Variants in CDK14 observed in about 807,000 individuals in gnomAD.
CDK14 encodes cyclin-dependent kinase 14.
A neutral mutation model predicts 60.7 loss-of-function variants in CDK14; 34 were observed. That is an observed-to-expected ratio of 0.56 (90% CI 0.43 to 0.75). The LOEUF is 0.75. Among genes scored for constraint, CDK14 ranks in the 30% least tolerant of loss-of-function variants. The pLI, the probability that CDK14 is intolerant of heterozygous loss-of-function variation, is 0.00. For missense variants in CDK14, 482 were observed against 564.1 expected, an observed-to-expected ratio of 0.85 and a Z score of 1.47; for synonymous variants, 197 against 203.7, an observed-to-expected ratio of 0.97 and a Z score of 0.28.
At chr7:90,884,974 A>T (rs766287557) in intron 6 of CDK14, among the ~76,000 whole-genome samples, 3 of 152,218 alleles carry the variant, frequency 2.0e-5, no homozygotes, top group Non-Finnish European at 4.4e-5. Context: ...ACCCAAAATC[A>T]TAAAAACCCT....
chr7:90,880,793 A>T (rs1348505790), intron 6 of CDK14, among the ~76,000 whole-genome samples: 2 of 152,078 alleles, frequency 1.3e-5, no homozygotes, highest in Non-Finnish European at 1.5e-5. Context: ...AACGAATCAG[A>T]TGAATAGGGC....
intron 12 of CDK14, among the ~76,000 whole-genome samples, chr7:91,091,501 T>TTATATATATATA (rs56670195): frequency 0.16 from 14,104 of 88,822 alleles, 1,749 homozygotes; most frequent in Middle Eastern, 0.18. Context: ...TTTATATATT[T>TTATATATATATA]TATATATATA....
At chr7:90,665,951 A>G (rs1800971191) in intron 2 of CDK14, among the ~76,000 whole-genome samples, 1 of 152,228 alleles carries the variant, frequency 6.6e-6, no homozygotes, top group African/African-American at 2.4e-5. Context: ...AAGGAACTAT[A>G]GGTGTGACCA....
In CDK14 at chr7:90,750,595, G is replaced by A. The variant is rs982879423; in HGVS notation, c.464+2820G>A. ...AAGGAATTTCAATACAATTGAGGCC[G>A]GACGTGGTGGCTCACACTTGTAATC... is the stretch of plus-strand genomic sequence containing the variant. On this transcript the variant is annotated intron_variant, in intron 4 of 14. Coordinates refer to ENST00000380050, the MANE Select transcript of CDK14 (RefSeq NM_001287135.2). 1.8e-4 allele frequency among the ~76,000 whole-genome samples: 27 copies of A among 152,142 alleles called. 1 individual carries two copies. Among genetic ancestry groups the A allele is most frequent in the Middle Eastern group, 3.2e-3 (1 of 316 alleles).
At chr7:91,058,335 A>C (rs1409227825) in intron 11 of CDK14, among the ~76,000 whole-genome samples, 1 of 152,172 alleles carries the variant, frequency 6.6e-6, no homozygotes, top group Non-Finnish European at 1.5e-5. Context: ...CTAGATATAC[A>C]ATCATGTCAT....
intron 5 of CDK14, among the ~76,000 whole-genome samples, chr7:90,822,075 A>G (rs369066967): frequency 6.6e-6 from 1 of 152,138 alleles, no homozygotes; most frequent in Middle Eastern, 3.2e-3. Flanking sequence ...ATTGTATACT[A>G]GCTCTTATTT....
intron 14 of CDK14, among the ~76,000 whole-genome samples, chr7:91,135,289 T>G (rs1800245336): frequency 6.6e-6 from 1 of 152,134 alleles, no homozygotes; most frequent in Admixed American, 6.5e-5. Flanking sequence ...AGAACTAGAA[T>G]GAATGCCTCA....
intron 3 of CDK14, among the ~76,000 whole-genome samples, chr7:90,729,108 A>G (rs1802749376): frequency 1.3e-5 from 2 of 151,238 alleles, no homozygotes; most frequent in Non-Finnish European, 2.9e-5. Flanking sequence ...GCCCCAGTTG[A>G]ATTCTCTGAT....
At chr7:90,679,800 T>A (rs927340095) in intron 2 of CDK14, among the ~76,000 whole-genome samples, 1 of 152,250 alleles carries the variant, frequency 6.6e-6, no homozygotes, top group Admixed American at 6.5e-5. Flanking sequence ...GTATAAGTCA[T>A]TGAATCTGTC....
At chr7:91,019,002 G>GCACA (rs1796371546) in intron 10 of CDK14, among the ~76,000 whole-genome samples, 1 of 152,066 alleles carries the variant, frequency 6.6e-6, no homozygotes, top group Admixed American at 6.5e-5. Context: ...CATCACATTG[G>GCACA]GGATTAGGTT....
At chr7:90,727,283 A>G (rs1443380019) in intron 3 of CDK14, among the ~76,000 whole-genome samples, 1 of 152,120 alleles carries the variant, frequency 6.6e-6, no homozygotes, top group Non-Finnish European at 1.5e-5. Context: ...TAAAGTGACA[A>G]GTTGAAGTTC....
intron 6 of CDK14, among the ~76,000 whole-genome samples, chr7:90,887,739 GA>G (rs1326048518): frequency 6.6e-6 from 1 of 151,842 alleles, no homozygotes; most frequent in Admixed American, 6.6e-5. Flanking sequence ...TTTTCTCTTG[GA>G]ACAAGTCTCC....
chr7:90,680,636 T>C (rs1053222519), intron 2 of CDK14, among the ~76,000 whole-genome samples: 1 of 152,206 alleles, frequency 6.6e-6, no homozygotes, highest in African/African-American at 2.4e-5. Flanking sequence ...AGGCAGTGAA[T>C]AGAGTTGCAT....
At position 91,152,168 on chromosome 7, in the gene CDK14, T is replaced by A. The variant is rs117865698; in HGVS notation, c.*28+33960T>A. Reference sequence around the variant, plus strand: ...TTGTGTCTTGTGAATCGTGGTATGATCTTTTGGTCTCCATAGAAACATAGC... The same window carrying A: ...TTGTGTCTTGTGAATCGTGGTATGAACTTTTGGTCTCCATAGAAACATAGC... On this transcript the variant is annotated intron_variant, in intron 14 of 14. Transcript: ENST00000380050. 3.9e-5 allele frequency among the ~76,000 whole-genome samples: 6 copies of A among 152,308 alleles called. No homozygotes were observed. In the East Asian group the frequency reaches 1.2e-3, roughly 29 times the overall value.
intron 5 of CDK14, among the ~76,000 whole-genome samples, chr7:90,841,107 A>G (rs1281384468): frequency 1.3e-5 from 2 of 152,182 alleles, no homozygotes; most frequent in Non-Finnish European, 2.9e-5. Flanking sequence ...ATTGTTAAAC[A>G]TTTTTTGAGG....
At chr7:90,645,546 C>G (rs2116456294) in intron 2 of CDK14, among the ~76,000 whole-genome samples, 1 of 152,144 alleles carries the variant, frequency 6.6e-6, no homozygotes, top group South Asian at 2.1e-4. Flanking sequence ...TCTTTAATCT[C>G]ATGATAACAT....
intron 2 of CDK14, among the ~76,000 whole-genome samples, chr7:90,675,938 G>A (rs1653283361): frequency 6.6e-6 from 1 of 152,100 alleles, no homozygotes; most frequent in South Asian, 2.1e-4. Flanking sequence ...GAAGAGGAGG[G>A]GATGGCAAAG....
At chr7:90,869,950 T>C (rs1430909171) in intron 6 of CDK14, among the ~76,000 whole-genome samples, 1 of 152,230 alleles carries the variant, frequency 6.6e-6, no homozygotes, top group African/African-American at 2.4e-5. Flanking sequence ...TTTGGACTGT[T>C]AGCTCGTAAT....
intron 3 of CDK14, among the ~76,000 whole-genome samples, chr7:90,744,800 C>G (rs1803520245): frequency 8.6e-6 from 1 of 115,936 alleles, no homozygotes; most frequent in African/African-American, 3.3e-5. Context: ...GACGGGGCGG[C>G]TGGCCGGGCG....
Sources: allele counts gnomAD v4.1 joint callset (sites outside exome capture counted in the v4.1 genomes callset), GRCh38; gene constraint gnomAD v4.1.1; transcripts MANE v1.5; gene names NCBI Gene and HGNC (gene_info 2026-07-23, HGNC 2026-07-21).